Variants in GREB1L observed in about 807,000 individuals in gnomAD.
GREB1L encodes GREB1-like protein.
A neutral mutation model predicts 200.8 loss-of-function variants in GREB1L; 17 were observed. The observed-to-expected ratio is 0.08, with a 90% CI of 0.06 to 0.13. The LOEUF (loss-of-function observed/expected upper bound fraction) is 0.13, where lower values mean the gene tolerates loss of function less well. Among genes scored for constraint, GREB1L ranks in the 10% least tolerant of loss-of-function variants. The pLI, the probability that GREB1L is intolerant of heterozygous loss-of-function variation, is 1.00. For missense variants in GREB1L, 1,657 were observed against 2,367.7 expected (o/e 0.70, Z 6.23); for synonymous variants, 789 against 893.0 (o/e 0.88, Z 2.08).
At chr18:21,342,507 T>G (rs762192335) in intron 1 of GREB1L, among the ~76,000 whole-genome samples, 16 of 152,174 alleles carry the variant, frequency 1.1e-4, no homozygotes, top group Non-Finnish European at 1.9e-4. Context: ...TGCTTTAGGG[T>G]TCTCAAATCC....
At chr18:21,245,170 T>A (rs1375831513) in intron 1 of GREB1L, among the ~76,000 whole-genome samples, 1 of 152,166 alleles carries the variant, frequency 6.6e-6, no homozygotes, top group Non-Finnish European at 1.5e-5. Context: ...TGGTCTAAAT[T>A]AAGGGATTTC....
chr18:21,371,653 G>A (rs538954685), intron 2 of GREB1L, among the ~76,000 whole-genome samples: 14 of 151,482 alleles, frequency 9.2e-5, no homozygotes, highest in Non-Finnish European at 1.3e-4. Context: ...CGGGCGTGGC[G>A]GGCGCCTGTA....
At chr18:21,475,970 CAAAAAAA>C (rs71178177) in intron 16 of GREB1L, among the ~76,000 whole-genome samples, 27 of 58,376 alleles carry the variant, frequency 4.6e-4, no homozygotes, top group South Asian at 1.0e-3. Context: ...GACTCCGTCT[CAAAAAAA>C]AAAAAAAAAA....
intron 1 of GREB1L, among the ~76,000 whole-genome samples, chr18:21,298,007 A>G (rs192886338): frequency 2.2e-4 from 34 of 152,200 alleles, no homozygotes; most frequent in Non-Finnish European, 1.0e-4. Context: ...GTTTTAGGAA[A>G]TGGGGAGGTT....
intron 23 of GREB1L, among the ~76,000 whole-genome samples, chr18:21,504,922 A>T (rs1380773594): frequency 6.6e-6 from 1 of 152,026 alleles, no homozygotes; most frequent in Non-Finnish European, 1.5e-5. Flanking sequence ...AAACAATATG[A>T]CTGGATCCTG....
rs2037386935 is a variant in GREB1L, at chr18:21,515,516, G to A, written c.5001G>A (p.Leu1667=). Reference sequence around the variant, plus strand: ...CAAAAATTGTCCACTATGCAATCTTGGGCATACAGAAATGGAGCAGCAAGC... The same window carrying A: ...CAAAAATTGTCCACTATGCAATCTTAGGCATACAGAAATGGAGCAGCAAGC... ...ATPKIVHYAI[L]GIQKWSSKLT... is the part of the protein sequence containing the mutation. The change falls in exon 29 of 33, where the codon TTG becomes TTA. Residue 1667 remains leucine (L), a synonymous_variant. Transcript: ENST00000424526. The A allele has an allele frequency of 1.3e-6, 2 of 1,551,616 alleles. No homozygotes were observed. The highest frequency in any genetic ancestry group is 1.4e-5 in the African/African-American group (1 of 73,140).
chr18:21,443,675 T>A (rs1413672037), intron 10 of GREB1L, among the ~76,000 whole-genome samples: 1 of 152,222 alleles, frequency 6.6e-6, no homozygotes, highest in East Asian at 1.9e-4. Flanking sequence ...GAAACAGAGA[T>A]AATATGAGTA....
intron 7 of GREB1L, 95 bp downstream of exon 7, chr18:21,404,089 G>C (rs1484405207): frequency 9.0e-7 from 1 of 1,108,744 alleles, no homozygotes; most frequent in African/African-American, 1.6e-5. Context: ...TTTGAATAGA[G>C]ATATTTCAAA....
chr18:21,450,627 C>T (rs1332230347), intron 12 of GREB1L: 2 of 157,296 alleles, frequency 1.3e-5, no homozygotes, highest in African/African-American at 4.8e-5. Context: ...GTTTTTCATA[C>T]TCTTCCCTAG....
chr18:21,427,180 A>G (rs1351765524), intron 7 of GREB1L, among the ~76,000 whole-genome samples: 1 of 152,000 alleles, frequency 6.6e-6, no homozygotes, highest in Non-Finnish European at 1.5e-5. Flanking sequence ...GCGTCTTTAC[A>G]TTTGTTTAGG....
intron 1 of GREB1L, among the ~76,000 whole-genome samples, chr18:21,343,933 G>A (rs889732431): frequency 2.0e-5 from 3 of 151,932 alleles, no homozygotes; most frequent in Non-Finnish European, 4.4e-5. Context: ...GTACCACCAT[G>A]CCCGGCTAAT....
At chr18:21,489,308 A>G (rs1012989053) in intron 18 of GREB1L, among the ~76,000 whole-genome samples, 1 of 152,180 alleles carries the variant, frequency 6.6e-6, no homozygotes. Flanking sequence ...TGATGAGGCT[A>G]CAACACTAGG....
intron 1 of GREB1L, among the ~76,000 whole-genome samples, chr18:21,285,616 A>C (rs1257794634): frequency 6.6e-6 from 1 of 152,178 alleles, no homozygotes; most frequent in Non-Finnish European, 1.5e-5. Context: ...AACCTCCTCA[A>C]AATGTTCTTT....
chr18:21,375,812 C>A (rs975054754), intron 2 of GREB1L, among the ~76,000 whole-genome samples: 2 of 152,124 alleles, frequency 1.3e-5, no homozygotes, highest in Admixed American at 6.5e-5. Flanking sequence ...TTAGTAAGCT[C>A]TCCATGCTAC....
intron 1 of GREB1L, among the ~76,000 whole-genome samples, chr18:21,268,518 TATATACACACAC>T (rs1461793289): frequency 1.3e-5 from 1 of 77,304 alleles, no homozygotes; most frequent in East Asian, 3.8e-4. Flanking sequence ...TATGTATATA[TATATACACACAC>T]ACACACACAC....
chr18:21,265,820 T>C (rs908178651), intron 1 of GREB1L, among the ~76,000 whole-genome samples: 3 of 152,176 alleles, frequency 2.0e-5, no homozygotes, highest in Non-Finnish European at 4.4e-5. Flanking sequence ...TAGCAATGAC[T>C]GTAATATTGA....
chr18:21,490,803 TTC>T (rs1293392949), intron 19 of GREB1L, among the ~76,000 whole-genome samples: 4 of 152,318 alleles, frequency 2.6e-5, no homozygotes, highest in Middle Eastern at 3.4e-3. Flanking sequence ...CGGTAAAGTA[TTC>T]TGTTTCATCT....
intron 7 of GREB1L, among the ~76,000 whole-genome samples, chr18:21,411,388 A>G (rs933921105): frequency 2.2e-4 from 33 of 152,104 alleles, no homozygotes; most frequent in Admixed American, 5.9e-4. Context: ...TTGTATTTTT[A>G]GTAGAGACGG....
chr18:21,525,756 T>C lies in GREB1L; in HGVS notation c.*2935T>C, dbSNP rs777417244. Among the ~76,000 whole-genome samples the C allele has an allele frequency of 6.6e-6, 1 of 152,252 alleles. No homozygotes were observed. Among genetic ancestry groups the C allele is most frequent in the African/African-American group, 2.4e-5 (1 of 41,468 alleles). ...ATGTAGTATGAAGATGCTGTTATTG[T>C]AGTATGAATTATATCTTCTTAAAAA... On this transcript the variant is annotated 3_prime_UTR_variant, in exon 33 of 33. Transcript: ENST00000424526.
Sources: gnomAD v4.1 joint callset for allele counts (sites outside exome capture counted in the v4.1 genomes callset) on GRCh38, gnomAD v4.1.1 for gene constraint, MANE v1.5 for transcripts, NCBI Gene and HGNC (gene_info 2026-07-23, HGNC 2026-07-21) for gene names.